Variants in ARHGAP10 observed in about 807,000 individuals in gnomAD.
The protein encoded by ARHGAP10 is rho GTPase-activating protein 10.
Under a neutral mutation model 108.6 loss-of-function variants are expected in ARHGAP10, and 87 were observed. The ratio of observed to expected loss-of-function variants is 0.80; its 90% CI spans 0.67 to 0.96. The LOEUF is 0.96. Among genes scored for constraint, ARHGAP10 ranks in the 40% least tolerant of loss-of-function variants. The probability of loss-of-function intolerance (pLI) is 0.00; values close to 1 mark genes in which losing one functional copy is unlikely to be tolerated. For missense variants in ARHGAP10, 939 were observed against 954.5 expected (o/e 0.98, Z 0.21); for synonymous variants, 347 against 341.1 (o/e 1.02, Z -0.19).
chr4:148,056,293 G>T (rs1220951030), intron 20 of ARHGAP10, among the ~76,000 whole-genome samples: 1 of 152,182 alleles, frequency 6.6e-6, no homozygotes, highest in African/African-American at 2.4e-5. Context: ...GTGATTTTCA[G>T]TGTAAGCTTC....
chr4:147,965,055 G>T lies in ARHGAP10; in HGVS notation c.1482G>T (p.Ala494=). The change falls in exon 17 of 23, where the codon GCG becomes GCT. Residue 494 remains alanine (A), a synonymous_variant. Coordinates refer to ENST00000336498, the MANE Select transcript of ARHGAP10 (RefSeq NM_024605.4). ...KSGSPESRVN[A]IHFLVHKLPE... ...GCAGCCCAGAATCTCGTGTTAATGC[G>T]ATCCATTTCTTGGTACACAAACTGC... 1 of 1,600,846 alleles carries T rather than the reference G, an allele frequency of 6.2e-7. No homozygotes were observed. The highest frequency in any genetic ancestry group is 1.1e-5 in the South Asian group (1 of 88,364).
chr4:147,908,373 C>T (rs186931026), intron 11 of ARHGAP10, among the ~76,000 whole-genome samples: 4 of 152,062 alleles, frequency 2.6e-5, no homozygotes, highest in Non-Finnish European at 5.9e-5. Context: ...GTTTGCGTAG[C>T]GAAAAGACTA....
chr4:147,944,204 A>G (rs1312217520), intron 14 of ARHGAP10, among the ~76,000 whole-genome samples: 1 of 152,226 alleles, frequency 6.6e-6, no homozygotes, highest in African/African-American at 2.4e-5. Flanking sequence ...AGTCCTAGTT[A>G]TAAAGGATTG....
chr4:147,784,575 AAAATATATATTAT>A (rs1730732786), intron 1 of ARHGAP10, among the ~76,000 whole-genome samples: 1 of 114,896 alleles, frequency 8.7e-6, no homozygotes, highest in African/African-American at 3.6e-5. Flanking sequence ...TGCAATTTAT[AAAATATATATTAT>A]AAATATATAT....
At chr4:147,800,471 G>A (rs1034233562) in intron 1 of ARHGAP10, among the ~76,000 whole-genome samples, 10 of 152,150 alleles carry the variant, frequency 6.6e-5, no homozygotes, top group Non-Finnish European at 7.4e-5. Context: ...CTTTAGGTTG[G>A]TCCTTCTTTT....
intron 15 of ARHGAP10, 148 bp from the exon 16 acceptor site, chr4:147,955,168 A>G: frequency 1.4e-6 from 1 of 725,360 alleles, no homozygotes; most frequent in Non-Finnish European, 2.3e-6. Flanking sequence ...CCGTTTATGT[A>G]TCTTTTTTGA....
chr4:148,020,973 A>G (rs910608843), intron 18 of ARHGAP10, among the ~76,000 whole-genome samples: 1 of 152,210 alleles, frequency 6.6e-6, no homozygotes, highest in Non-Finnish European at 1.5e-5. Context: ...ATAGCTGTAG[A>G]ATACCTATAT....
intron 1 of ARHGAP10, among the ~76,000 whole-genome samples, chr4:147,780,376 A>G (rs527590661): frequency 1.3e-5 from 2 of 152,024 alleles, no homozygotes; most frequent in Admixed American, 1.3e-4. Context: ...CGGTCACATT[A>G]CTGGGAGTGA....
intron 8 of ARHGAP10, among the ~76,000 whole-genome samples, chr4:147,876,734 T>G (rs1425746714): frequency 6.6e-6 from 1 of 152,250 alleles, no homozygotes; most frequent in African/African-American, 2.4e-5. Context: ...TGAGAGAAAT[T>G]GGACTGAAAC....
intron 19 of ARHGAP10, among the ~76,000 whole-genome samples, 181 bp downstream of exon 19, chr4:148,023,594 G>A (rs1355765305): frequency 6.6e-6 from 1 of 152,116 alleles, no homozygotes; most frequent in African/African-American, 2.4e-5. Flanking sequence ...CGCAAGTTTC[G>A]GTTTTGTGTT....
chr4:147,896,503 A>T (rs1033644923), intron 10 of ARHGAP10, among the ~76,000 whole-genome samples: 12 of 152,148 alleles, frequency 7.9e-5, no homozygotes, highest in Admixed American at 7.2e-4. Flanking sequence ...TGTTCCTTTC[A>T]TATCTATAGG....
intron 4 of ARHGAP10, among the ~76,000 whole-genome samples, chr4:147,851,040 G>A (rs1733859725): frequency 1.3e-5 from 2 of 152,144 alleles, no homozygotes; most frequent in Admixed American, 6.5e-5. Context: ...TGGGCAAGCA[G>A]CAGCACACAG....
intron 18 of ARHGAP10, among the ~76,000 whole-genome samples, chr4:147,971,186 G>C: frequency 6.6e-6 from 1 of 152,154 alleles, no homozygotes; most frequent in African/African-American, 2.4e-5. Context: ...TTCCCAGGTG[G>C]CAAAGGGTGC....
intron 1 of ARHGAP10, among the ~76,000 whole-genome samples, chr4:147,741,767 TACACACAC>T (rs369661175): frequency 2.2e-4 from 29 of 134,678 alleles, no homozygotes; most frequent in Middle Eastern, 3.6e-3. Context: ...TCGTTCTCTT[TACACACAC>T]ACACACACAC....
intron 1 of ARHGAP10, among the ~76,000 whole-genome samples, chr4:147,821,137 G>A (rs1010167419): frequency 3.3e-5 from 5 of 152,132 alleles, no homozygotes; most frequent in African/African-American, 9.7e-5. Flanking sequence ...TCAGTGAGCC[G>A]GCGAGCCTGG....
chr4:147,849,378 C>T (rs1031545907), intron 4 of ARHGAP10, among the ~76,000 whole-genome samples: 1 of 152,116 alleles, frequency 6.6e-6, no homozygotes, highest in Non-Finnish European at 1.5e-5. Flanking sequence ...CTTTCCACAT[C>T]TGTGCTGCCT....
chr4:147,941,117 ACTT>A (rs1393903410), intron 14 of ARHGAP10, among the ~76,000 whole-genome samples: 1 of 152,220 alleles, frequency 6.6e-6, no homozygotes, highest in Non-Finnish European at 1.5e-5. Context: ...AATTGGAATC[ACTT>A]CTTTCATTTC....
chr4:147,836,273 C>T (rs771966129), intron 3 of ARHGAP10, among the ~76,000 whole-genome samples: 1 of 151,940 alleles, frequency 6.6e-6, no homozygotes, highest in Non-Finnish European at 1.5e-5. Context: ...AGGTCATAGG[C>T]AGATATTCAG....
intron 8 of ARHGAP10, among the ~76,000 whole-genome samples, chr4:147,878,775 T>C (rs1401892217): frequency 1.2e-5 from 1 of 81,314 alleles, no homozygotes; most frequent in African/African-American, 9.3e-5. Context: ...CTTCTTCCTC[T>C]TTTTTTTTTT....
Sources: allele counts gnomAD v4.1 joint callset (sites outside exome capture counted in the v4.1 genomes callset), GRCh38; gene constraint gnomAD v4.1.1; transcripts MANE v1.5; gene names NCBI Gene and HGNC (gene_info 2026-07-23, HGNC 2026-07-21).